Variants in CYP4F3 observed in about 807,000 individuals in gnomAD.
The protein encoded by CYP4F3 is cytochrome P450 family 4 subfamily F member 3, also known as cytochrome P450 4F3.
Under a neutral mutation model 54.8 loss-of-function variants are expected in CYP4F3, and 50 were observed. That is an observed-to-expected ratio of 0.91 (90% CI 0.73 to 1.16). CYP4F3 has a LOEUF of 1.16. CYP4F3 is among the 50% of genes most tolerant of loss of function. CYP4F3 has a pLI of 0.00. For synonymous variants in CYP4F3, 244 were observed against 262.6 expected (o/e 0.93, Z 0.69); for missense variants, 715 against 676.2 (o/e 1.06, Z -0.64).
At chr19:15,658,884 G>A in intron 12 of CYP4F3, 75 bp downstream of exon 12, 1 of 1,555,122 alleles carries the variant, frequency 6.4e-7, no homozygotes, top group Non-Finnish European at 8.8e-7. Context: ...GGGGAAAAGG[G>A]GGACATTGTA....
rs760713878 is a variant in CYP4F3 at position 15,652,916 on chromosome 19, A to T, written c.1079A>T (p.Glu360Val). 11 of 1,612,966 alleles carry T rather than the reference A, an allele frequency of 6.8e-6. No individual in the cohort carries two copies. The highest frequency in any genetic ancestry group is 9.3e-6 in the Non-Finnish European group (11 of 1,179,484). Residue 360 changes from glutamate to valine, a missense_variant, in exon 9 of 13, where the codon GAG (glutamate) becomes GTG (valine). Coordinates refer to ENST00000221307, the MANE Select transcript of CYP4F3 (RefSeq NM_000896.3). ...GAGCGCTGTCGGCAGGAGGTGCAAG[A>T]GCTTCTGAAGGACCGTGAGCCTAAA... is the stretch of plus-strand genomic sequence containing the variant. ...YQERCRQEVQELLKDREPKEI... is the reference protein window; with the variant it reads ...YQERCRQEVQVLLKDREPKEI...
At position 15,645,195 on chromosome 19, in the gene CYP4F3, C is replaced by T. The variant is rs565041845; in HGVS notation, c.199-524C>T. 3.9e-5 allele frequency among the ~76,000 whole-genome samples: 6 copies of T among 152,294 alleles called. No individual in the cohort carries two copies. The South Asian group carries it at 1.2e-3, about 32-fold the overall frequency. On this transcript the variant is annotated intron_variant, in intron 2 of 12. Coordinates refer to ENST00000221307, the MANE Select transcript of CYP4F3 (RefSeq NM_000896.3). Reference sequence around the variant, plus strand: ...TCTCATGGGAAAGCCCACATTTCCCCCAGAGTTCCCAGAAAAGGCCCATGA... The same window carrying T: ...TCTCATGGGAAAGCCCACATTTCCCTCAGAGTTCCCAGAAAAGGCCCATGA...
rs543666112 is a variant in CYP4F3 at position 15,652,483 on chromosome 19, A to G, written c.919-86A>G. Reference sequence around the variant, plus strand: ...CTCGAAAGAGGATGAATCTTCAGAGACTGTCTCAGATTAGACTCAAGAGCC... The same window carrying G: ...CTCGAAAGAGGATGAATCTTCAGAGGCTGTCTCAGATTAGACTCAAGAGCC... On this transcript the variant is annotated intron_variant, in intron 7 of 12. Transcript: ENST00000221307. 2.6e-3 allele frequency: 4,084 copies of G among 1,555,876 alleles called. 14 individuals carry two copies. Among genetic ancestry groups the G allele is most frequent in the Middle Eastern group, 3.8e-3 (22 of 5,824 alleles).
In CYP4F3 at chr19:15,659,341, C is replaced by G. The variant is rs545365201; in HGVS notation, c.1519C>G (p.Arg507Gly). The change falls in exon 13 of 13, where the codon CGC becomes GGC. Residue 507 changes from arginine to glycine, a missense_variant. Transcript: ENST00000221307. ...CCGCAGGAAGCCGGAGCTGGTCCTG[C>G]GCGCAGAGGGCGGACTTTGGCTGCG... ...EPRRKPELVLRAEGGLWLRVE... is the reference protein window; with the variant it reads ...EPRRKPELVLGAEGGLWLRVE... The G allele has an allele frequency of 6.4e-5, 103 of 1,613,370 alleles. 1 individual carries two copies. In the Admixed American group the frequency reaches 1.3e-3, roughly 21 times the overall value.
rs2144641975 is a variant in CYP4F3 at position 15,647,114 on chromosome 19, C to A, written c.397+9C>A. ...CCTGAAGCCCTGGCTGGGTGAGTAT[C>A]TGTAGGTGAACAGGGTTGGGAACAA... On this transcript the variant is annotated intron_variant, in intron 4 of 12. Transcript: ENST00000221307. 6.2e-7 allele frequency: 1 copy of A among 1,614,198 alleles called. No homozygotes were observed. The highest frequency in any genetic ancestry group is 1.6e-4 in the Middle Eastern group (1 of 6,062).
chr19:15,644,844 C>G (rs1195095987), intron 2 of CYP4F3, among the ~76,000 whole-genome samples: 3 of 152,222 alleles, frequency 2.0e-5, no homozygotes, highest in African/African-American at 2.4e-5. Context: ...GACCATGGCT[C>G]TGGCCTCAAA....
In CYP4F3 at chr19:15,660,868, C is replaced by G. The variant is rs1188576928; in HGVS notation, c.*1483C>G. On this transcript the variant is annotated 3_prime_UTR_variant, in exon 13 of 13. Transcript: ENST00000221307. ...AGTAGCTGGGATTACAGGCACCCAC[C>G]ACCACATCCAGCTAATTGTTGTATT... 2 of 152,036 alleles carry G rather than the reference C, an allele frequency of 1.3e-5. No individual in the cohort carries two copies. Among genetic ancestry groups the G allele is most frequent in the Admixed American group, 6.6e-5 (1 of 15,266 alleles). The allele number at this position is 152,036 out of a possible 1,614,324, so 9.4% of individuals were successfully genotyped here.
intron 12 of CYP4F3, 127 bp from the exon 13 acceptor site, chr19:15,659,093 G>A: frequency 2.2e-6 from 3 of 1,359,930 alleles, no homozygotes; most frequent in Non-Finnish European, 3.0e-6. Context: ...ATCCAGGCAC[G>A]GATACCCCCT....
rs1972653941 is a variant in CYP4F3 at position 15,647,185 on chromosome 19, C to G, written c.398-12C>G. 1 of 1,614,116 alleles carries G rather than the reference C, an allele frequency of 6.2e-7. No individual in the cohort carries two copies. Among genetic ancestry groups the G allele is most frequent in the African/African-American group, 1.3e-5 (1 of 74,938 alleles). On this transcript the variant is annotated splice_polypyrimidine_tract_variant and intron_variant, in intron 4 of 12. Coordinates refer to ENST00000221307, the MANE Select transcript of CYP4F3 (RefSeq NM_000896.3). ...AGATGCCCTTGCCCATGGCCCTTGG[C>G]TGCCCTGCCAGGGGATGGGCTCCTG...
intron 12 of CYP4F3, 146 bp downstream of exon 12, chr19:15,658,955 A>G (rs113775507): frequency 3.5e-4 from 453 of 1,277,470 alleles, no homozygotes; most frequent in Middle Eastern, 3.2e-3. Flanking sequence ...GAAAAGGCCC[A>G]CAGAGTAGGA....
intron 12 of CYP4F3, 134 bp downstream of exon 12, chr19:15,658,943 G>A (rs900170045): frequency 1.4e-5 from 18 of 1,327,982 alleles, no homozygotes; most frequent in Admixed American, 8.9e-5. Flanking sequence ...TGGAGTTTAT[G>A]GGAAAAGGCC....
intron 2 of CYP4F3, among the ~76,000 whole-genome samples, chr19:15,641,821 T>A (rs748646777): frequency 6.6e-6 from 1 of 152,146 alleles, no homozygotes; most frequent in Non-Finnish European, 1.5e-5. Flanking sequence ...TCTTGGCCTG[T>A]GTTGAATCCT....
rs569627948 is a variant in CYP4F3 at position 15,660,978 on chromosome 19, A to T, written c.*1593A>T. On this transcript the variant is annotated 3_prime_UTR_variant, in exon 13 of 13. Transcript: ENST00000221307. ...GTGATCCACCCGCCTCGGCCTCCCA[A>T]AGTGCTGGGATTACAGGCCCGGTCC... 2 of 152,262 alleles carry T rather than the reference A, an allele frequency of 1.3e-5. No homozygotes were observed. Among genetic ancestry groups the T allele is most frequent in the East Asian group, 3.9e-4 (2 of 5,170 alleles). 9.4% of individuals were successfully genotyped at this position (152,262 alleles called of 1,614,324 possible). A position where few individuals can be genotyped will look rare whatever the true frequency, so the allele number is the denominator to read the frequency against.
intron 9 of CYP4F3, among the ~76,000 whole-genome samples, chr19:15,657,877 T>A (rs1973069243): frequency 6.6e-6 from 1 of 152,182 alleles, no homozygotes; most frequent in African/African-American, 2.4e-5. Context: ...TTTTTCTGCC[T>A]AGTGTTGCAA....
At chr19:15,641,693 G>A in intron 2 of CYP4F3, 80 bp downstream of exon 2, 1 of 1,427,474 alleles carries the variant, frequency 7.0e-7, no homozygotes, top group South Asian at 1.1e-5. Context: ...TCAGGTGAGA[G>A]GGGGTGGGCT....
Position 15,652,563 on chromosome 19 carries a change from C to T in CYP4F3, c.919-6C>T. 6.2e-7 allele frequency: 1 copy of T among 1,614,116 alleles called. No individual in the cohort carries two copies. Among genetic ancestry groups the T allele is most frequent in the Non-Finnish European group, 8.5e-7 (1 of 1,180,014 alleles). ...TGGGGGTGGGGGGTTATTGCCTTCT[C>T]TCCAGGATGAAGATGGGAAGAAGTT... On this transcript the variant is annotated splice_region_variant and splice_polypyrimidine_tract_variant and intron_variant, in intron 7 of 12. Coordinates refer to ENST00000221307, the MANE Select transcript of CYP4F3 (RefSeq NM_000896.3).
chr19:15,649,774 C>T (rs1015263018), intron 6 of CYP4F3, 139 bp from the exon 7 acceptor site: 1 of 1,262,076 alleles, frequency 7.9e-7, no homozygotes. Flanking sequence ...ATGCTGATCC[C>T]CATCCTGCAT....
intron 7 of CYP4F3, among the ~76,000 whole-genome samples, chr19:15,651,857 A>G (rs1972865676): frequency 6.6e-6 from 1 of 152,134 alleles, no homozygotes; most frequent in Non-Finnish European, 1.5e-5. Flanking sequence ...GTCTGTTGTG[A>G]CAGAGGCATT....
At chr19:15,654,589 G>A (rs899251376) in intron 9 of CYP4F3, among the ~76,000 whole-genome samples, 4 of 152,022 alleles carry the variant, frequency 2.6e-5, no homozygotes, top group East Asian at 1.9e-4. Context: ...GCTCCCACAC[G>A]TGAGTGAGAA....
Sources: allele counts gnomAD v4.1 joint callset (sites outside exome capture counted in the v4.1 genomes callset), GRCh38; gene constraint gnomAD v4.1.1; transcripts MANE v1.5; gene names NCBI Gene and HGNC (gene_info 2026-07-23, HGNC 2026-07-21).